SGCD: variants seen among roughly 807,000 people sequenced by gnomAD.
SGCD encodes the protein sarcoglycan delta.
A neutral mutation model predicts 36.6 loss-of-function variants in SGCD; 18 were observed. The ratio of observed to expected loss-of-function variants is 0.49; its 90% CI spans 0.34 to 0.73. The LOEUF (loss-of-function observed/expected upper bound fraction) is 0.73, where lower values mean the gene tolerates loss of function less well. Ranked by LOEUF, SGCD falls within the 30% of genes least tolerant of loss-of-function variation. The pLI is 0.01. For synonymous variants in SGCD, 133 were observed against 130.6 expected (o/e 1.02, Z -0.12); for missense variants, 387 against 346.7 (o/e 1.12, Z -0.92).
intron 1 of SGCD, among the ~76,000 whole-genome samples, chr5:156,091,464 G>A (rs7707018): frequency 0.16 from 24,896 of 152,062 alleles, 3,239 homozygotes; most frequent in East Asian, 0.46. Flanking sequence ...GTCAGAGCAT[G>A]AGTTTCTATT....
intron 7 of SGCD, among the ~76,000 whole-genome samples, chr5:156,716,760 C>T (rs949066619): frequency 7.9e-5 from 12 of 152,090 alleles, no homozygotes; most frequent in African/African-American, 2.2e-4. Flanking sequence ...TCTGAGACAG[C>T]GTGTCATGCA....
At chr5:156,664,196 C>A (rs1764048887) in intron 7 of SGCD, among the ~76,000 whole-genome samples, 1 of 88,802 alleles carries the variant, frequency 1.1e-5, no homozygotes, top group Non-Finnish European at 2.1e-5. Context: ...ATTGCTTGAG[C>A]CATAAGCATA....
At chr5:155,911,815 C>T (rs543116376) in intron 1 of SGCD, among the ~76,000 whole-genome samples, 2 of 152,162 alleles carry the variant, frequency 1.3e-5, no homozygotes, top group South Asian at 2.1e-4. Context: ...CCCTGCACTC[C>T]AGTGTTACTT....
At chr5:156,295,626 G>A (rs1389659466) in intron 3 of SGCD, among the ~76,000 whole-genome samples, 1 of 152,190 alleles carries the variant, frequency 6.6e-6, no homozygotes, top group Non-Finnish European at 1.5e-5. Flanking sequence ...CAGGGATCCA[G>A]GGGATTTGCT....
intron 7 of SGCD, among the ~76,000 whole-genome samples, chr5:156,738,069 T>C (rs1432829939): frequency 1.3e-5 from 2 of 152,268 alleles, no homozygotes; most frequent in Non-Finnish European, 2.9e-5. Flanking sequence ...AGCCTAGCTG[T>C]CTGTTACACA....
the SGCD span, among the ~76,000 whole-genome samples, chr5:155,773,541 A>C: frequency 1.3e-5 from 2 of 152,056 alleles, no homozygotes; most frequent in Admixed American, 1.3e-4. Context: ...CCTGGTACTG[A>C]GTATGTAGGA....
chr5:156,328,360 C>T (rs745502445), intron 1 of SGCD, among the ~76,000 whole-genome samples: 8 of 152,126 alleles, frequency 5.3e-5, no homozygotes, highest in Non-Finnish European at 1.0e-4. Flanking sequence ...GGGGCTTGGC[C>T]AAAAGTCTGG....
At chr5:155,913,443 C>T (rs1756671107) in intron 1 of SGCD, among the ~76,000 whole-genome samples, 1 of 151,776 alleles carries the variant, frequency 6.6e-6, no homozygotes, top group Admixed American at 6.6e-5. Context: ...AGGCAAGCCT[C>T]CTTTGGAACC....
At chr5:155,878,979 T>C (rs1037742738) in intron 1 of SGCD, among the ~76,000 whole-genome samples, 1 of 152,020 alleles carries the variant, frequency 6.6e-6, no homozygotes, top group African/African-American at 2.4e-5. Context: ...TTTTTATGAG[T>C]AAGTTTAACA....
intron 1 of SGCD, among the ~76,000 whole-genome samples, chr5:156,116,427 T>C (rs1761907535): frequency 6.6e-6 from 1 of 152,178 alleles, no homozygotes; most frequent in Admixed American, 6.6e-5. Context: ...CCTATTTTTC[T>C]AGACACTTAC....
chr5:155,908,435 C>A (rs1377968549), intron 1 of SGCD, among the ~76,000 whole-genome samples: 1 of 152,138 alleles, frequency 6.6e-6, no homozygotes, highest in Admixed American at 6.6e-5. Context: ...TGATGATAAG[C>A]ACTGTATAAA....
At chr5:156,122,322 A>T (rs1234449495) in intron 2 of SGCD, among the ~76,000 whole-genome samples, 1 of 152,202 alleles carries the variant, frequency 6.6e-6, no homozygotes, top group East Asian at 1.9e-4. Flanking sequence ...TGGAGTTTAC[A>T]TTTTATTGGG....
chr5:156,474,208 A>G (rs1755086463), intron 3 of SGCD, among the ~76,000 whole-genome samples: 1 of 152,196 alleles, frequency 6.6e-6, no homozygotes, highest in African/African-American at 2.4e-5. Flanking sequence ...GACAGTCCCC[A>G]TGAAAAAGAA....
At chr5:156,309,728 C>T (rs1767340247) in intron 3 of SGCD, among the ~76,000 whole-genome samples, 1 of 151,640 alleles carries the variant, frequency 6.6e-6, no homozygotes, top group African/African-American at 2.4e-5. Context: ...CCTCATGATC[C>T]ACCTGCCTCG....
chr5:156,472,383 A>G (rs1400837497), intron 3 of SGCD, among the ~76,000 whole-genome samples: 1 of 152,194 alleles, frequency 6.6e-6, no homozygotes, highest in Admixed American at 6.5e-5. Flanking sequence ...ACTCACCAAT[A>G]AAAAATAAAG....
chr5:156,456,430 C>T (rs1439911935), intron 3 of SGCD, among the ~76,000 whole-genome samples: 1 of 152,078 alleles, frequency 6.6e-6, no homozygotes, highest in Non-Finnish European at 1.5e-5. Flanking sequence ...CTATTGGACA[C>T]GAGTTAAGAC....
chr5:155,878,978 G>C (rs1268223810), intron 1 of SGCD, among the ~76,000 whole-genome samples: 1 of 151,946 alleles, frequency 6.6e-6, no homozygotes, highest in African/African-American at 2.4e-5. Flanking sequence ...ATTTTTATGA[G>C]TAAGTTTAAC....
chr5:156,298,699 G>A (rs889581833), intron 3 of SGCD, among the ~76,000 whole-genome samples: 3 of 150,038 alleles, frequency 2.0e-5, no homozygotes, highest in Non-Finnish European at 3.0e-5. Flanking sequence ...CCACAGTGCT[G>A]GGATTACAGG....
At chr5:155,842,893 T>C in the SGCD span, among the ~76,000 whole-genome samples, 5 of 152,236 alleles carry the variant, frequency 3.3e-5, no homozygotes, top group Non-Finnish European at 5.9e-5. Context: ...TCTATTCTAC[T>C]TCTGTTAAGA....
Sources: allele counts gnomAD v4.1 joint callset (sites outside exome capture counted in the v4.1 genomes callset), GRCh38; gene constraint gnomAD v4.1.1; transcripts MANE v1.5; gene names NCBI Gene and HGNC (gene_info 2026-07-23, HGNC 2026-07-21).